The following ARID3A variants were observed in gnomAD, a reference collection of about 807,000 sequenced individuals.
ARID3A encodes the protein AT-rich interactive domain-containing protein 3A.
A neutral mutation model predicts 52.7 loss-of-function variants in ARID3A; 11 were observed. That is an observed-to-expected ratio of 0.21 (90% CI 0.13 to 0.35). The LOEUF (loss-of-function observed/expected upper bound fraction) is 0.35, where lower values mean the gene tolerates loss of function less well. Ranked by LOEUF, ARID3A falls within the 10% of genes least tolerant of loss-of-function variation. The pLI, the probability that ARID3A is intolerant of heterozygous loss-of-function variation, is 1.00. For missense variants in ARID3A, 721 were observed against 838.5 expected, an observed-to-expected ratio of 0.86 and a Z score of 1.73; for synonymous variants, 404 against 359.4, an observed-to-expected ratio of 1.12 and a Z score of -1.40.
At position 972,854 on chromosome 19, in the gene ARID3A, G is replaced by C. The variant is rs930664590; in HGVS notation, c.*789G>C. 1 of 146,358 alleles carries C rather than the reference G, an allele frequency of 6.8e-6. No individual in the cohort carries two copies. Among genetic ancestry groups the C allele is most frequent in the Non-Finnish European group, 1.4e-5 (1 of 73,852 alleles). The allele number at this position is 146,358 out of a possible 1,614,324, so 9.1% of individuals were successfully genotyped here. On this transcript the variant is annotated 3_prime_UTR_variant, in exon 9 of 9. Coordinates refer to ENST00000263620, the MANE Select transcript of ARID3A (RefSeq NM_005224.3). ...AAACTCACCTTTTTATTTTTCCCAT[G>C]ACCAATTTGGGTCCCTTTGTCCATT...
At chr19:969,623 A>G (rs1008295005) in intron 8 of ARID3A, among the ~76,000 whole-genome samples, 1 of 151,064 alleles carries the variant, frequency 6.6e-6, no homozygotes, top group Non-Finnish European at 1.5e-5. Context: ...ATATAGATTT[A>G]TATGTATCTA....
chr19:932,575 A>G lies in ARID3A; in HGVS notation c.526A>G (p.Lys176Glu), dbSNP rs537575733. The G allele has an allele frequency of 1.4e-5, 21 of 1,504,134 alleles. No homozygotes were observed. Among genetic ancestry groups the G allele is most frequent in the Non-Finnish European group, 1.9e-5 (21 of 1,129,464 alleles). 93.2% of individuals were successfully genotyped at this position (1,504,134 alleles called of 1,614,324 possible). Residue 176 changes from lysine to glutamate, a missense_variant, in exon 3 of 9, where the codon AAG becomes GAG. This residue lies in a region of ARID3A where 349 missense variants were observed against 297.3 expected (regional missense o/e 1.17). Transcript: ENST00000263620. ...SLGTTALFPR[K>E]AQPPQAFRGD... ...GGGCACCACGGCACTGTTCCCCCGA[A>G]AGGCCCAGCCACCCCAGGCCTTCCG...
intron 8 of ARID3A, among the ~76,000 whole-genome samples, chr19:969,699 TC>T (rs2038237671): frequency 1.3e-4 from 20 of 150,850 alleles, no homozygotes; most frequent in Admixed American, 1.1e-3. Context: ...GTTTTTTTTT[TC>T]TTTTGAGAGG....
At chr19:953,115 G>A (rs560493616) in intron 3 of ARID3A, among the ~76,000 whole-genome samples, 1 of 152,066 alleles carries the variant, frequency 6.6e-6, no homozygotes, top group East Asian at 1.9e-4. Flanking sequence ...GTCCTGAGCC[G>A]GGGCTGAACT....
At chr19:971,404 G>A (rs113041271) in intron 8 of ARID3A, among the ~76,000 whole-genome samples, 238 of 152,320 alleles carry the variant, frequency 1.6e-3, no homozygotes, top group Middle Eastern at 3.4e-3. Flanking sequence ...CTGAGGTCAG[G>A]AGTTGGAGAC....
At chr19:930,645 G>A (rs1409755810) in intron 2 of ARID3A, among the ~76,000 whole-genome samples, 2 of 150,478 alleles carry the variant, frequency 1.3e-5, no homozygotes, top group South Asian at 4.2e-4. Flanking sequence ...GAGTAGTTGG[G>A]ACTACAGGCG....
In ARID3A at chr19:938,995, A is replaced by G. The variant is rs912675913; in HGVS notation, c.693+6253A>G. On this transcript the variant is annotated intron_variant, in intron 3 of 8. Transcript: ENST00000263620. The surrounding 1 kb of genome is among the most constrained non-coding windows in gnomAD (Gnocchi z 4.0). ...ACCCAGGCTGCAGTGCAATGGTGCA[A>G]TCTCAGCTCACTGCAACCTCTGCTT... Among the ~76,000 whole-genome samples the G allele has an allele frequency of 1.4e-5, 2 of 147,902 alleles. No individual in the cohort carries two copies. The highest frequency in any genetic ancestry group is 5.0e-5 in the African/African-American group (2 of 39,856).
intron 3 of ARID3A, among the ~76,000 whole-genome samples, chr19:958,709 C>T (rs1364359798): frequency 6.6e-6 from 1 of 151,710 alleles, no homozygotes; most frequent in Non-Finnish European, 1.5e-5. Flanking sequence ...CTGGCTAACA[C>T]GGTGAAGCCC....
In ARID3A at chr19:964,702, G is replaced by A. The variant is rs1014473301; in HGVS notation, c.951-131G>A. 17 of 1,409,084 alleles carry A rather than the reference G, an allele frequency of 1.2e-5. No homozygotes were observed. The African/African-American group carries it at 1.9e-4, about 16-fold the overall frequency. 87.3% of individuals were successfully genotyped at this position (1,409,084 alleles called of 1,614,324 possible). A position where few individuals can be genotyped will look rare whatever the true frequency, so the allele number is the denominator to read the frequency against. ...AATGGGCAAAGGCCCAGCAGCTCTG[G>A]GGGCTGCTGAGCAAGTCCAAGGGAA... On this transcript the variant is annotated intron_variant, in intron 5 of 8. Transcript: ENST00000263620. This position sits in a 1 kb window ranked among gnomAD's most constrained non-coding sequence, Gnocchi z 5.7.
At chr19:939,532 C>T (rs762624268) in intron 3 of ARID3A, among the ~76,000 whole-genome samples, 10 of 152,162 alleles carry the variant, frequency 6.6e-5, no homozygotes, top group African/African-American at 9.7e-5. Flanking sequence ...GGGCATGAGC[C>T]GCATGTTCTC....
At position 944,941 on chromosome 19, in the gene ARID3A, C is replaced by T. The variant is rs2037645630; in HGVS notation, c.693+12199C>T. Among the ~76,000 whole-genome samples the T allele has an allele frequency of 6.6e-6, 1 of 152,200 alleles. No individual in the cohort carries two copies. Among genetic ancestry groups the T allele is most frequent in the South Asian group, 2.1e-4 (1 of 4,834 alleles). ...CTCTCCCCTCTCCCTGTCTCTGCCA[C>T]CCGCCCCGTCCCTTCCACCACGTCG... On this transcript the variant is annotated intron_variant, in intron 3 of 8. Coordinates refer to ENST00000263620, the MANE Select transcript of ARID3A (RefSeq NM_005224.3). This position sits in a 1 kb window ranked among gnomAD's most constrained non-coding sequence, Gnocchi z 5.9.
intron 7 of ARID3A, among the ~76,000 whole-genome samples, chr19:967,448 A>G (rs1368260795): frequency 1.3e-5 from 2 of 151,758 alleles, no homozygotes; most frequent in African/African-American, 4.8e-5. Context: ...AGCCCCAGCT[A>G]CTCGGGAGGC....
In ARID3A at chr19:973,201, C is replaced by T. The variant is rs1237474011; in HGVS notation, c.*1136C>T. 3.1e-5 allele frequency: 5 copies of T among 162,154 alleles called. No homozygotes were observed. The East Asian group carries it at 5.6e-4, about 18-fold the overall frequency. The allele number at this position is 162,154 out of a possible 1,614,324, so 10.0% of individuals were successfully genotyped here. A position where few individuals can be genotyped will look rare whatever the true frequency, so the allele number is the denominator to read the frequency against. On this transcript the variant is annotated 3_prime_UTR_variant, in exon 9 of 9. Transcript: ENST00000263620. ...GATCTTGGCTCACTGCAACCTGCAC[C>T]TCCCAGGTGCAAGCGATTCTCCTGC...
At chr19:934,075 A>G (rs527240775) in intron 3 of ARID3A, among the ~76,000 whole-genome samples, 3 of 152,252 alleles carry the variant, frequency 2.0e-5, no homozygotes, top group African/African-American at 7.2e-5. Context: ...TAATTCACCA[A>G]TTAATTTAAC....
In ARID3A at chr19:966,562, TC is replaced by T; in HGVS notation, c.1199-8del. The stretch of plus-strand genomic sequence containing the variant: ...CTCCTGGCCACCAATTCCCCTTTTT[TC>T]CTACCTAGAGGAGGACTCAGCCATC... On this transcript the variant is annotated splice_polypyrimidine_tract_variant and intron_variant, in intron 6 of 8. Transcript: ENST00000263620. The T allele has an allele frequency of 6.6e-7, 1 of 1,514,150 alleles. No individual in the cohort carries two copies. The highest frequency in any genetic ancestry group is 1.3e-5 in the South Asian group (1 of 76,306). 93.8% of individuals were successfully genotyped at this position (1,514,150 alleles called of 1,614,324 possible).
rs142736649 is a variant in ARID3A, at chr19:957,505, T to C, written c.694-2587T>C. 4.1e-3 allele frequency among the ~76,000 whole-genome samples: 621 copies of C among 152,306 alleles called. 8 individuals are homozygous for C. Among genetic ancestry groups the C allele is most frequent in the African/African-American group, 0.015 (604 of 41,576 alleles). ...CTGGTGAATTTTTGCAGCGATTTGC[T>C]GTGTGAACTCAGGCAGGCACTGTCC... On this transcript the variant is annotated intron_variant, in intron 3 of 8. Coordinates refer to ENST00000263620, the MANE Select transcript of ARID3A (RefSeq NM_005224.3).
At chr19:953,480 C>A (rs555624721) in intron 3 of ARID3A, among the ~76,000 whole-genome samples, 11 of 151,956 alleles carry the variant, frequency 7.2e-5, no homozygotes, top group Non-Finnish European at 1.0e-4. Context: ...CCCACACCCC[C>A]CCCCGTGCAG....
chr19:928,044 G>T (rs1393249482), intron 1 of ARID3A, among the ~76,000 whole-genome samples: 2 of 152,036 alleles, frequency 1.3e-5, no homozygotes, highest in South Asian at 4.1e-4. Context: ...GGTGGGGTCG[G>T]GTCACAGGAG....
At chr19:934,654 G>T (rs2037402455) in intron 3 of ARID3A, among the ~76,000 whole-genome samples, 1 of 152,184 alleles carries the variant, frequency 6.6e-6, no homozygotes, top group Admixed American at 6.5e-5. Flanking sequence ...CGGCTTGTGT[G>T]TAGGGACCGG....
Sources: allele counts gnomAD v4.1 joint callset (sites outside exome capture counted in the v4.1 genomes callset), GRCh38; gene constraint gnomAD v4.1.1; regional missense constraint gnomAD v4.1.1; non-coding constraint Gnocchi (gnomAD v3.1); transcripts MANE v1.5; gene names NCBI Gene and HGNC (gene_info 2026-07-23, HGNC 2026-07-21).